Variants in PCM1 observed in about 807,000 individuals in gnomAD.
PCM1 encodes the protein pericentriolar material 1.
A neutral mutation model predicts 241.9 loss-of-function variants in PCM1; 157 were observed. That is an observed-to-expected ratio of 0.65 (90% CI 0.57 to 0.74). The LOEUF (loss-of-function observed/expected upper bound fraction) is 0.74. Ranked by LOEUF, PCM1 falls within the 30% of genes least tolerant of loss-of-function variation. The pLI, the probability that PCM1 is intolerant of heterozygous loss-of-function variation, is 0.00. For missense variants in PCM1, 3,478 were observed against 2,360.1 expected (o/e 1.47, Z -9.81); for synonymous variants, 1,085 against 784.9 (o/e 1.38, Z -6.39).
Position 17,947,217 on chromosome 8 carries a change from A to C in PCM1, c.815A>C (p.Glu272Ala), listed in dbSNP as rs1186029134. ...GATCCTCAGCAGGAGCCTATGGAAG[A>C]GATAGAAAATTTGAAGAAACAACAT... The part of the protein sequence containing the change: ...ARDPQQEPME[E>A]IENLKKQHDL... The change falls in exon 7 of 39, where the codon GAG becomes GCG. Residue 272 changes from glutamate (E) to alanine (A), a missense_variant. Transcript: ENST00000325083. 1 of 1,609,798 alleles carries C rather than the reference A, an allele frequency of 6.2e-7. No individual in the cohort carries two copies. Among genetic ancestry groups the C allele is most frequent in the South Asian group, 1.1e-5 (1 of 90,632 alleles).
chr8:17,972,448 C>G lies in PCM1; in HGVS notation c.3704C>G (p.Ser1235Cys). Reference protein sequence around the residue: ...KTGFSVSVEKSTSSNRKNQLD... With the variant: ...KTGFSVSVEKCTSSNRKNQLD... ...GGATTTTCAGTGTCTGTAGAAAAAT[C>G]TACAAGTAGTAACCGCAAAAATCAA... The change falls in exon 23 of 39, where the codon TCT becomes TGT. Residue 1235 changes from serine (S) to cysteine (C), a missense_variant. By Grantham distance (112) the Ser-to-Cys change is moderately radical. Transcript: ENST00000325083. 6.2e-7 allele frequency: 1 copy of G among 1,613,190 alleles called. No individual in the cohort carries two copies. The highest frequency in any genetic ancestry group is 1.1e-5 in the South Asian group (1 of 90,928).
At chr8:17,986,299 A>T (rs559550486) in intron 26 of PCM1, 1 of 352,600 alleles carries the variant, frequency 2.8e-6, no homozygotes, top group South Asian at 6.6e-5. Flanking sequence ...TGTATGTATG[A>T]TAGATTATGA....
At chr8:18,019,388 G>C (rs2093579828) in intron 36 of PCM1, among the ~76,000 whole-genome samples, 1 of 152,150 alleles carries the variant, frequency 6.6e-6, no homozygotes, top group African/African-American at 2.4e-5. Flanking sequence ...CCATGGACTG[G>C]GGTAAGGGGG....
intron 8 of PCM1, among the ~76,000 whole-genome samples, chr8:17,952,468 A>G (rs1410423968): frequency 6.6e-6 from 1 of 152,170 alleles, no homozygotes; most frequent in Non-Finnish European, 1.5e-5. Context: ...AAAACTATGT[A>G]GAGTCAGCTC....
In PCM1 at chr8:18,016,092, G is replaced by T. The variant is rs1010453168; in HGVS notation, c.5841+1252G>T. ...TTTAGTAGAGACAGGGTTTCACCGT[G>T]TTAGCCAGAATGATCTCGATCTCCT... On this transcript the variant is annotated intron_variant, in intron 36 of 38. Coordinates refer to ENST00000325083, the MANE Select transcript of PCM1 (RefSeq NM_006197.4). Among the ~76,000 whole-genome samples, 3 of 152,306 alleles carry T rather than the reference G, an allele frequency of 2.0e-5. No homozygotes were observed. The South Asian group carries it at 6.2e-4, about 32-fold the overall frequency.
chr8:17,997,240 GT>G, intron 29 of PCM1, among the ~76,000 whole-genome samples: 1 of 152,068 alleles, frequency 6.6e-6, no homozygotes, highest in Non-Finnish European at 1.5e-5. Flanking sequence ...AAGGATTCTA[GT>G]GACAAGTCTA....
Position 18,010,620 on chromosome 8 carries a change from T to C in PCM1, c.5172T>C (p.Ile1724=). ...GATTTGTTTTAAAGGCTAAAAGGATTCTTGAAGATCATGGCTCACCTGCTG... is the reference window on the plus strand; with the variant it reads ...GATTTGTTTTAAAGGCTAAAAGGATCCTTGAAGATCATGGCTCACCTGCTG... ...IQSCAKEAKR[I]LEDHGSPAGE... The change falls in exon 32 of 39, where the codon ATT becomes ATC. Residue 1724 remains isoleucine (I), a synonymous_variant. Transcript: ENST00000325083. The C allele has an allele frequency of 6.3e-7, 1 of 1,599,518 alleles. No individual in the cohort carries two copies. Among genetic ancestry groups the C allele is most frequent in the Admixed American group, 1.7e-5 (1 of 58,436 alleles).
At chr8:17,985,006 G>T (rs570147649) in intron 24 of PCM1, among the ~76,000 whole-genome samples, 4 of 151,798 alleles carry the variant, frequency 2.6e-5, no homozygotes, top group Non-Finnish European at 4.4e-5. Context: ...TTCATTGGCA[G>T]CATTCAGTTT....
intron 24 of PCM1, among the ~76,000 whole-genome samples, chr8:17,981,494 A>G (rs2080782217): frequency 6.6e-6 from 1 of 152,186 alleles, no homozygotes; most frequent in Non-Finnish European, 1.5e-5. Context: ...TAAAAGCACC[A>G]GTAGTTTCCT....
rs577308152 is a variant in PCM1, at chr8:18,021,258, A to C, written c.5842-4103A>C. On this transcript the variant is annotated intron_variant, in intron 36 of 38. Transcript: ENST00000325083. ...TTATTAAAGGCCCTGCACTCTACAA[A>C]CCATCATGGTGAAGAAAAACGTTTC... Among the ~76,000 whole-genome samples, 4 of 152,256 alleles carry C rather than the reference A, an allele frequency of 2.6e-5. 1 individual carries two copies. The highest frequency in any genetic ancestry group is 3.4e-3 in the Middle Eastern group (1 of 294).
intron 31 of PCM1, 29 bp downstream of exon 31, chr8:18,009,773 A>G: frequency 7.9e-7 from 1 of 1,272,582 alleles, no homozygotes; most frequent in Non-Finnish European, 1.0e-6. Flanking sequence ...GATTTTTAGG[A>G]TAATTGACAC....
intron 9 of PCM1, 92 bp from the exon 10 acceptor site, chr8:17,955,378 C>A: frequency 1.2e-6 from 1 of 813,606 alleles, no homozygotes; most frequent in Non-Finnish European, 1.9e-6. Context: ...TTAATTTTTA[C>A]TTTTTAGTTT....
intron 7 of PCM1, among the ~76,000 whole-genome samples, chr8:17,949,440 A>G (rs2065152424): frequency 6.6e-6 from 1 of 152,100 alleles, no homozygotes; most frequent in Admixed American, 6.5e-5. Context: ...TCAGTGGAAA[A>G]AAGGTAGTGT....
chr8:18,021,001 G>A (rs1257651374), intron 36 of PCM1, among the ~76,000 whole-genome samples: 1 of 152,172 alleles, frequency 6.6e-6, no homozygotes, highest in Non-Finnish European at 1.5e-5. Flanking sequence ...AAATGCATGT[G>A]TGGACTTTTA....
chr8:17,939,127 C>A, intron 5 of PCM1, 118 bp downstream of exon 5: 1 of 846,044 alleles, frequency 1.2e-6, no homozygotes, highest in Non-Finnish European at 1.8e-6. Context: ...TAAAGTGCTT[C>A]ACTGACCTCC....
Position 17,940,542 on chromosome 8 carries a change from C to G in PCM1, c.783+681C>G, listed in dbSNP as rs74826560. 7.3e-3 allele frequency among the ~76,000 whole-genome samples: 1,110 copies of G among 152,208 alleles called. 12 individuals carry two copies. Among genetic ancestry groups the G allele is most frequent in the African/African-American group, 0.024 (1,012 of 41,538 alleles). On this transcript the variant is annotated intron_variant, in intron 6 of 38. Coordinates refer to ENST00000325083, the MANE Select transcript of PCM1 (RefSeq NM_006197.4). ...TTAGCATGTAGTCTTTTGGAAATAA[C>G]CAAGTTCATTTGTCACTGAGGACAC...
intron 15 of PCM1, 83 bp downstream of exon 15, chr8:17,960,527 G>GTTTTT: frequency 1.7e-5 from 7 of 412,966 alleles, no homozygotes; most frequent in East Asian, 5.0e-5. Flanking sequence ...TTTTGTTTTT[G>GTTTTT]TTTTTCTTTT....
intron 29 of PCM1, chr8:18,005,919 C>T (rs1352036240): frequency 5.6e-6 from 1 of 178,788 alleles, no homozygotes; most frequent in Non-Finnish European, 1.2e-5. Flanking sequence ...TTGAAATTAA[C>T]TGAATGAAAA....
At chr8:17,947,429 G>T in intron 7 of PCM1, 66 bp downstream of exon 7, 1 of 1,130,370 alleles carries the variant, frequency 8.8e-7, no homozygotes, top group Non-Finnish European at 1.3e-6. Flanking sequence ...TTGCAGGGTG[G>T]ATGCTGATTA....
Sources: gnomAD v4.1 joint callset for allele counts (sites outside exome capture counted in the v4.1 genomes callset) on GRCh38, gnomAD v4.1.1 for gene constraint, MANE v1.5 for transcripts, NCBI Gene and HGNC (gene_info 2026-07-23, HGNC 2026-07-21) for gene names.